Variants in NRG3 observed in about 807,000 individuals in gnomAD.
NRG3 encodes the protein neuregulin 3.
NRG3 carries 31 observed loss-of-function variants against 66.9 expected under a neutral mutation model. That is an observed-to-expected ratio of 0.46 (90% CI 0.35 to 0.63). NRG3 has a LOEUF of 0.63. Among genes scored for constraint, NRG3 ranks in the 20% least tolerant of loss-of-function variants. The pLI, the probability that NRG3 is intolerant of heterozygous loss-of-function variation, is 0.00. For missense variants in NRG3, 910 were observed against 878.9 expected (o/e 1.04, Z -0.45); for synonymous variants, 393 against 359.4 (o/e 1.09, Z -1.06).
intron 1 of NRG3, among the ~76,000 whole-genome samples, chr10:82,332,364 G>A (rs1252060803): frequency 6.6e-6 from 1 of 152,150 alleles, no homozygotes; most frequent in Non-Finnish European, 1.5e-5. Flanking sequence ...GGGAACCAGG[G>A]TAATGGGGAG....
chr10:82,017,057 T>C (rs2061817746), intron 1 of NRG3, among the ~76,000 whole-genome samples: 1 of 152,188 alleles, frequency 6.6e-6, no homozygotes, highest in African/African-American at 2.4e-5. Context: ...TTACATTAGG[T>C]ATATCTCCTA....
chr10:82,097,460 G>A (rs2066426239), intron 1 of NRG3, among the ~76,000 whole-genome samples: 1 of 142,686 alleles, frequency 7.0e-6, no homozygotes, highest in Admixed American at 7.1e-5. Context: ...ATATATATCT[G>A]TAATATATAT....
intron 3 of NRG3, among the ~76,000 whole-genome samples, chr10:82,751,790 A>G (rs1253254168): frequency 2.6e-5 from 4 of 152,176 alleles, no homozygotes; most frequent in Admixed American, 2.0e-4. Flanking sequence ...ATGACCTACC[A>G]TAGAATACTT....
chr10:82,460,618 C>T (rs893338711), intron 2 of NRG3, among the ~76,000 whole-genome samples: 9 of 152,316 alleles, frequency 5.9e-5, no homozygotes, highest in Admixed American at 5.2e-4. Flanking sequence ...TGCAGGCTTT[C>T]TGGCTTCTCT....
At chr10:82,752,414 C>A (rs927382540) in intron 3 of NRG3, among the ~76,000 whole-genome samples, 3 of 152,048 alleles carry the variant, frequency 2.0e-5, no homozygotes, top group African/African-American at 7.2e-5. Flanking sequence ...CAAAAAATCC[C>A]CTTATCTCTT....
At chr10:82,605,640 G>C (rs2047922974) in intron 2 of NRG3, among the ~76,000 whole-genome samples, 2 of 151,856 alleles carry the variant, frequency 1.3e-5, no homozygotes, top group African/African-American at 4.8e-5. Context: ...AAATATTATA[G>C]AGAATTTATG....
chr10:82,965,199 G>A (rs1851093512), intron 6 of NRG3, among the ~76,000 whole-genome samples: 1 of 152,164 alleles, frequency 6.6e-6, no homozygotes, highest in Non-Finnish European at 1.5e-5. Context: ...AGGATCTTTT[G>A]TATATTATAC....
intron 1 of NRG3, among the ~76,000 whole-genome samples, chr10:82,173,816 G>T (rs757998642): frequency 6.6e-6 from 1 of 151,972 alleles, no homozygotes; most frequent in South Asian, 2.1e-4. Context: ...CAGAAACATA[G>T]ACCCTCACTC....
rs146993613 is a variant in NRG3 at position 82,945,867 on chromosome 10, G to A, written c.1055-5602G>A. Among the ~76,000 whole-genome samples the A allele has an allele frequency of 3.9e-5, 6 of 152,230 alleles. No individual in the cohort carries two copies. In the East Asian group the frequency reaches 1.2e-3, roughly 30 times the overall value. ...AAGCTGGGTACAGAGTTTGGATGTG[G>A]GTGGGGTCAGAAGCAGATGGTCAAC... On this transcript the variant is annotated intron_variant, in intron 4 of 8. Coordinates refer to ENST00000372141, the MANE Select transcript of NRG3 (RefSeq NM_001010848.4).
chr10:82,418,446 G>C (rs576879038), intron 2 of NRG3, among the ~76,000 whole-genome samples: 7 of 152,142 alleles, frequency 4.6e-5, no homozygotes, highest in African/African-American at 1.7e-4. Flanking sequence ...AAATTAACCA[G>C]TTTATGCAAA....
chr10:82,741,837 C>G (rs1482327877), intron 3 of NRG3, among the ~76,000 whole-genome samples: 2 of 151,294 alleles, frequency 1.3e-5, no homozygotes, highest in Non-Finnish European at 3.0e-5. Flanking sequence ...ACTCTAAATT[C>G]CACTGACTGA....
intron 4 of NRG3, among the ~76,000 whole-genome samples, chr10:82,874,530 G>A (rs1841633144): frequency 6.6e-6 from 1 of 151,930 alleles, no homozygotes; most frequent in Non-Finnish European, 1.5e-5. Flanking sequence ...ATAGATGTGT[G>A]TTTGTGGAGG....
chr10:82,107,594 G>T (rs1400359516), intron 1 of NRG3, among the ~76,000 whole-genome samples: 1 of 152,166 alleles, frequency 6.6e-6, no homozygotes. Flanking sequence ...AGCAGAACTA[G>T]GATTCAGATG....
At chr10:82,096,845 C>A (rs1207426453) in intron 1 of NRG3, among the ~76,000 whole-genome samples, 1 of 152,116 alleles carries the variant, frequency 6.6e-6, no homozygotes, top group African/African-American at 2.4e-5. Context: ...AAAGCCTACA[C>A]ATGAAATTGC....
At chr10:82,754,225 G>A (rs1591416969) in intron 3 of NRG3, among the ~76,000 whole-genome samples, 2 of 151,088 alleles carry the variant, frequency 1.3e-5, no homozygotes, top group Non-Finnish European at 1.5e-5. Context: ...CATTTATTTG[G>A]TTCTATTTCT....
chr10:82,081,418 A>G (rs1487566846), intron 1 of NRG3, among the ~76,000 whole-genome samples: 1 of 152,124 alleles, frequency 6.6e-6, no homozygotes, highest in Non-Finnish European at 1.5e-5. Context: ...TGTGGTCCCT[A>G]AAAATGCAGA....
chr10:82,219,787 T>C (rs1002357263), intron 1 of NRG3, among the ~76,000 whole-genome samples: 3 of 152,128 alleles, frequency 2.0e-5, no homozygotes, highest in African/African-American at 7.2e-5. Context: ...TCCAATGCAT[T>C]AAAATGACTT....
intron 2 of NRG3, among the ~76,000 whole-genome samples, chr10:82,652,557 A>G (rs1336215342): frequency 6.6e-6 from 1 of 152,244 alleles, no homozygotes; most frequent in East Asian, 1.9e-4. Flanking sequence ...GTAGCCTCCA[A>G]CATCTAGCTG....
intron 3 of NRG3, among the ~76,000 whole-genome samples, chr10:82,850,880 G>T (rs772115384): frequency 2.0e-5 from 3 of 152,144 alleles, no homozygotes; most frequent in African/African-American, 7.2e-5. Context: ...ACAAAATGTG[G>T]GGTGGATGTG....
Sources: allele counts gnomAD v4.1 joint callset (sites outside exome capture counted in the v4.1 genomes callset), GRCh38; gene constraint gnomAD v4.1.1; transcripts MANE v1.5; gene names NCBI Gene and HGNC (gene_info 2026-07-23, HGNC 2026-07-21).